Variants in CMSS1 observed in about 807,000 individuals in gnomAD.
CMSS1 encodes the protein cms1 ribosomal small subunit homolog.
In CMSS1, 33 loss-of-function variants were observed where a neutral mutation model predicts 43.5. That is an observed-to-expected ratio of 0.76 (90% CI 0.57 to 1.01). The LOEUF is 1.01. Ranked by LOEUF, CMSS1 falls within the 50% of genes least tolerant of loss-of-function variation. The pLI is 0.00. For synonymous variants in CMSS1, 115 were observed against 117.2 expected (o/e 0.98, Z 0.12); for missense variants, 313 against 326.4 (o/e 0.96, Z 0.32).
At chr3:99,965,088 G>C (rs1472789571) in intron 1 of CMSS1, among the ~76,000 whole-genome samples, 1 of 152,142 alleles carries the variant, frequency 6.6e-6, no homozygotes, top group African/African-American at 2.4e-5. Context: ...TTATTTTCTA[G>C]TAATTACCTT....
intron 1 of CMSS1, among the ~76,000 whole-genome samples, chr3:99,933,243 A>C (rs952375526): frequency 2.0e-5 from 3 of 152,204 alleles, no homozygotes; most frequent in South Asian, 4.1e-4. Flanking sequence ...TGTCCGAAAA[A>C]TGCCTATAGC....
intron 1 of CMSS1, chr3:99,930,909 T>C: frequency 6.2e-7 from 1 of 1,613,652 alleles, no homozygotes; most frequent in East Asian, 2.2e-5. Context: ...GGGGAGTCTT[T>C]GTCTTGCTGT....
intron 1 of CMSS1, among the ~76,000 whole-genome samples, chr3:99,840,569 G>A (rs571902161): frequency 6.6e-6 from 1 of 152,304 alleles, no homozygotes; most frequent in South Asian, 2.1e-4. Context: ...TTTGACATCT[G>A]TAAGTGGAAA....
chr3:100,028,020 G>C (rs147375268), intron 1 of CMSS1, among the ~76,000 whole-genome samples: 1 of 152,254 alleles, frequency 6.6e-6, no homozygotes, highest in East Asian at 1.9e-4. Context: ...CTGAAATGAT[G>C]GGGTTGGATT....
chr3:100,154,120 G>T (rs1269397325), intron 2 of CMSS1, among the ~76,000 whole-genome samples: 1 of 152,184 alleles, frequency 6.6e-6, no homozygotes, highest in Non-Finnish European at 1.5e-5. Context: ...AAAGTGCTGG[G>T]ATTACAGGTG....
chr3:100,017,363 G>A (rs946923769), intron 1 of CMSS1, among the ~76,000 whole-genome samples: 2 of 152,156 alleles, frequency 1.3e-5, no homozygotes, highest in Admixed American at 6.5e-5. Context: ...TGATGACCAT[G>A]CTAATCACTC....
rs1706745087 is a variant in CMSS1, at chr3:99,910,066, T to A, written c.64+92023T>A. ...GCTTCAGTGTGGGGTCAGCTCACCC[T>A]CATTGCACTTTCAAGTATAATATTA... On this transcript the variant is annotated intron_variant, in intron 1 of 9. Transcript: ENST00000421999. 1.5e-5 allele frequency among the ~76,000 whole-genome samples: 2 copies of A among 135,916 alleles called. 1 individual carries two copies. Among genetic ancestry groups the A allele is most frequent in the African/African-American group, 5.0e-5 (2 of 39,902 alleles). 89.2% of individuals were successfully genotyped at this position (135,916 alleles called of 152,430 possible).
At chr3:100,152,379 C>T (rs911871411) in intron 2 of CMSS1, among the ~76,000 whole-genome samples, 4 of 152,094 alleles carry the variant, frequency 2.6e-5, no homozygotes, top group Non-Finnish European at 5.9e-5. Context: ...CTGTGGGTGT[C>T]ACCTGTGATG....
chr3:100,074,200 C>A (rs1283973336), intron 1 of CMSS1, among the ~76,000 whole-genome samples: 1 of 152,114 alleles, frequency 6.6e-6, no homozygotes, highest in African/African-American at 2.4e-5. Context: ...CAGTGGAGTC[C>A]GAGAGCTCTA....
chr3:100,076,706 CCT>C (rs1045704959), intron 1 of CMSS1, among the ~76,000 whole-genome samples: 4 of 152,182 alleles, frequency 2.6e-5, no homozygotes, highest in African/African-American at 9.7e-5. Context: ...TTTGACTTCA[CCT>C]CTGTTTCTTC....
intron 1 of CMSS1, among the ~76,000 whole-genome samples, chr3:100,012,543 T>C (rs968511937): frequency 2.6e-5 from 4 of 152,130 alleles, no homozygotes; most frequent in Admixed American, 1.3e-4. Flanking sequence ...AATAAGAATT[T>C]TCTCTAACAT....
At chr3:99,981,309 G>T (rs1709116295) in intron 1 of CMSS1, among the ~76,000 whole-genome samples, 1 of 152,148 alleles carries the variant, frequency 6.6e-6, no homozygotes, top group Non-Finnish European at 1.5e-5. Context: ...AAGCTCTGAT[G>T]TCACATCTTA....
At chr3:99,861,160 A>G (rs1944233654) in intron 1 of CMSS1, among the ~76,000 whole-genome samples, 1 of 151,662 alleles carries the variant, frequency 6.6e-6, no homozygotes, top group African/African-American at 2.4e-5. Flanking sequence ...TCTTTTCCAT[A>G]CTTTCCATTT....
intron 1 of CMSS1, among the ~76,000 whole-genome samples, chr3:99,912,178 T>C (rs1159712909): frequency 1.3e-5 from 2 of 152,222 alleles, no homozygotes; most frequent in East Asian, 3.8e-4. Context: ...GAATGAAGTA[T>C]ACTGATACAT....
At chr3:100,078,624 C>T (rs1469639449) in intron 1 of CMSS1, among the ~76,000 whole-genome samples, 9 of 152,122 alleles carry the variant, frequency 5.9e-5, no homozygotes, top group South Asian at 2.1e-4. Context: ...CATGGTGGCT[C>T]GCTGGCCTGT....
At chr3:100,176,248 C>A (rs2067147192) in intron 8 of CMSS1, 79 bp from the exon 9 acceptor site, 2 of 995,060 alleles carry the variant, frequency 2.0e-6, no homozygotes, top group African/African-American at 1.6e-5. Context: ...CAAAAAGTAA[C>A]CCGGAGAATA....
intron 1 of CMSS1, among the ~76,000 whole-genome samples, chr3:100,011,934 T>C (rs1472097742): frequency 6.6e-6 from 1 of 152,344 alleles, no homozygotes; most frequent in East Asian, 1.9e-4. Context: ...TTAGTCACAG[T>C]TATCTTGTTT....
At chr3:99,983,642 A>T (rs1709239572) in intron 1 of CMSS1, among the ~76,000 whole-genome samples, 1 of 147,638 alleles carries the variant, frequency 6.8e-6, no homozygotes, top group South Asian at 2.2e-4. Context: ...ATGAGCTGAG[A>T]TGGTGCCACT....
At chr3:100,001,183 C>T (rs961417558) in intron 1 of CMSS1, among the ~76,000 whole-genome samples, 1 of 152,184 alleles carries the variant, frequency 6.6e-6, no homozygotes, top group Non-Finnish European at 1.5e-5. Flanking sequence ...TAGCCATACC[C>T]TCTCACTTTG....
Sources: gnomAD v4.1 joint callset for allele counts (sites outside exome capture counted in the v4.1 genomes callset) on GRCh38, gnomAD v4.1.1 for gene constraint, MANE v1.5 for transcripts, NCBI Gene and HGNC (gene_info 2026-07-23, HGNC 2026-07-21) for gene names.